Variants in TNFAIP8L3 observed in about 807,000 individuals in gnomAD.
The protein encoded by TNFAIP8L3 is TNF alpha induced protein 8 like 3.
In TNFAIP8L3, 7 loss-of-function variants were observed where a neutral mutation model predicts 11.8. The observed-to-expected ratio is 0.59, with a 90% CI of 0.34 to 1.11. The LOEUF is 1.11. Ranked by LOEUF, TNFAIP8L3 falls within the 50% of genes most tolerant of loss-of-function variation. The probability of loss-of-function intolerance (pLI) is 0.03; values close to 1 mark genes in which losing one functional copy is unlikely to be tolerated. For synonymous variants in TNFAIP8L3, 98 were observed against 103.8 expected (o/e 0.94, Z 0.34); for missense variants, 219 against 258.6 (o/e 0.85, Z 1.05).
chr15:51,084,838 G>T (rs1184916204), intron 1 of TNFAIP8L3, among the ~76,000 whole-genome samples: 2 of 152,182 alleles, frequency 1.3e-5, no homozygotes, highest in Non-Finnish European at 2.9e-5. Flanking sequence ...TACAGCTATT[G>T]TTATAAGAAT....
At chr15:51,087,034 A>G (rs2065433545) in intron 1 of TNFAIP8L3, among the ~76,000 whole-genome samples, 1 of 152,102 alleles carries the variant, frequency 6.6e-6, no homozygotes, top group South Asian at 2.1e-4. Context: ...GATTGCAGGC[A>G]TGCACCACCA....
At chr15:51,090,173 A>G (rs1184589326) in intron 1 of TNFAIP8L3, among the ~76,000 whole-genome samples, 1 of 152,224 alleles carries the variant, frequency 6.6e-6, no homozygotes, top group East Asian at 1.9e-4. Context: ...CCCTGCCTCC[A>G]GAGAACGTTA....
intron 1 of TNFAIP8L3, among the ~76,000 whole-genome samples, chr15:51,068,586 T>C (rs1462697115): frequency 6.6e-6 from 1 of 152,050 alleles, no homozygotes; most frequent in African/African-American, 2.4e-5. Context: ...TCTATTCACT[T>C]TAGTCAGAGC....
At chr15:51,096,247 G>A (rs1172510092), upstream of TNFAIP8L3, among the ~76,000 whole-genome samples, 1 of 152,050 alleles carries the variant, frequency 6.6e-6, no homozygotes, top group African/African-American at 2.4e-5. Flanking sequence ...GTGAAGTGTG[G>A]GCTTAACAGA....
intron 1 of TNFAIP8L3, among the ~76,000 whole-genome samples, chr15:51,073,224 G>A (rs762852617): frequency 5.9e-5 from 9 of 152,208 alleles, no homozygotes; most frequent in Admixed American, 4.6e-4. Context: ...TCAAACTCCC[G>A]ACCTCAGGTG....
At chr15:51,061,035 C>T (rs1287644465) in intron 1 of TNFAIP8L3, among the ~76,000 whole-genome samples, 2 of 152,166 alleles carry the variant, frequency 1.3e-5, no homozygotes, top group Non-Finnish European at 2.9e-5. Context: ...ACTTGGGAGT[C>T]TGAAACACGA....
intron 1 of TNFAIP8L3, among the ~76,000 whole-genome samples, chr15:51,073,938 C>T (rs1324465188): frequency 6.6e-6 from 1 of 152,178 alleles, no homozygotes. Context: ...TATAATTTAT[C>T]TTATAATATG....
intron 1 of TNFAIP8L3, among the ~76,000 whole-genome samples, chr15:51,075,196 T>C (rs762506688): frequency 1.3e-5 from 2 of 152,186 alleles, no homozygotes; most frequent in Non-Finnish European, 2.9e-5. Flanking sequence ...TGGAACTGAA[T>C]GTACTCAAAT....
intron 1 of TNFAIP8L3, among the ~76,000 whole-genome samples, chr15:51,088,588 T>C (rs568913979): frequency 1.3e-5 from 2 of 152,216 alleles, no homozygotes; most frequent in Non-Finnish European, 2.9e-5. Flanking sequence ...CAGCATCTAC[T>C]GGACTGTGTG....
chr15:51,080,342 C>T (rs1428189513), intron 1 of TNFAIP8L3, among the ~76,000 whole-genome samples: 1 of 152,164 alleles, frequency 6.6e-6, no homozygotes, highest in Admixed American at 6.5e-5. Context: ...AAATTCATTC[C>T]TAAAGTTCGT....
Position 51,057,901 on chromosome 15 carries a change from G to C in TNFAIP8L3, c.595C>G (p.Leu199Val). Residue 199 changes from leucine (L) to valine (V), a missense_variant, in exon 2 of 2, where the codon CTA (leucine) becomes GTA (valine). Physicochemically the swap from Leu to Val is conservative, Grantham distance 32. Transcript: ENST00000637513. ...GGCATTTAAAGGACTTTCTCATCTA[G>C]CAACTTATTGATTCCTTCACAAATC... ...KRICEGINKL[L>V]DEKVL 1 of 1,583,914 alleles carries C rather than the reference G, an allele frequency of 6.3e-7. No homozygotes were observed.
chr15:51,096,938 A>G (rs1213455607), upstream of TNFAIP8L3, among the ~76,000 whole-genome samples: 2 of 152,028 alleles, frequency 1.3e-5, no homozygotes, highest in African/African-American at 4.8e-5. Context: ...GTAATGGCAA[A>G]ATTTGGATAC....
rs752708597 is a variant in TNFAIP8L3, at chr15:51,056,743, A to T, written c.*1138T>A. On this transcript the variant is annotated 3_prime_UTR_variant, in exon 2 of 2. Transcript: ENST00000637513. ...AGCCTCCCTGAGCTCCATGCCCCTT[A>T]GATAAGGGAAGGCTGGTCCTGCAGA... 1 of 151,958 alleles carries T rather than the reference A, an allele frequency of 6.6e-6. No homozygotes were observed. Among genetic ancestry groups the T allele is most frequent in the African/African-American group, 2.4e-5 (1 of 41,360 alleles). 9.4% of individuals were successfully genotyped at this position (151,958 alleles called of 1,614,324 possible). A position where few individuals can be genotyped will look rare whatever the true frequency, so the allele number is the denominator to read the frequency against.
intron 1 of TNFAIP8L3, among the ~76,000 whole-genome samples, chr15:51,074,629 C>T (rs1321399872): frequency 2.0e-5 from 3 of 152,240 alleles, no homozygotes; most frequent in African/African-American, 7.2e-5. Flanking sequence ...GGAGGCTCAA[C>T]TCTTCACAAA....
chr15:51,067,317 G>A (rs1313768732), intron 1 of TNFAIP8L3, among the ~76,000 whole-genome samples: 1 of 152,142 alleles, frequency 6.6e-6, no homozygotes, highest in Non-Finnish European at 1.5e-5. Context: ...CTGCCTTGAA[G>A]ACAGATACCC....
intron 1 of TNFAIP8L3, among the ~76,000 whole-genome samples, chr15:51,062,471 T>C (rs2065247643): frequency 1.3e-5 from 2 of 152,110 alleles, no homozygotes; most frequent in South Asian, 4.1e-4. Flanking sequence ...AGTTTGTATA[T>C]TAGTATGTAC....
intron 1 of TNFAIP8L3, among the ~76,000 whole-genome samples, chr15:51,091,656 A>G (rs1366138556): frequency 2.3e-5 from 3 of 130,494 alleles, no homozygotes; most frequent in African/African-American, 8.1e-5. Flanking sequence ...AGAAGAGGTA[A>G]ACTAAAAAGA....
At chr15:51,098,529 C>G (rs2065528891), upstream of TNFAIP8L3, among the ~76,000 whole-genome samples, 1 of 152,206 alleles carries the variant, frequency 6.6e-6, no homozygotes, top group Non-Finnish European at 1.5e-5. Flanking sequence ...ATCCATCTAA[C>G]AGAACATGGT....
intron 1 of TNFAIP8L3, among the ~76,000 whole-genome samples, chr15:51,068,892 T>C (rs1354561039): frequency 6.6e-6 from 1 of 152,108 alleles, no homozygotes; most frequent in East Asian, 1.9e-4. Context: ...GGTCTCGAAC[T>C]CCTGACCTCA....
Sources: gnomAD v4.1 joint callset for allele counts (sites outside exome capture counted in the v4.1 genomes callset) on GRCh38, gnomAD v4.1.1 for gene constraint, MANE v1.5 for transcripts, NCBI Gene and HGNC (gene_info 2026-07-23, HGNC 2026-07-21) for gene names.